The following ADGRB3 variants were observed in gnomAD, a reference collection of about 807,000 sequenced individuals.
The protein encoded by ADGRB3 is adhesion G protein-coupled receptor B3, also known as brain-specific angiogenesis inhibitor 3.
A neutral mutation model predicts 193.4 loss-of-function variants in ADGRB3; 37 were observed. The observed-to-expected ratio is 0.19, with a 90% confidence interval of 0.15 to 0.25. The LOEUF (loss-of-function observed/expected upper bound fraction) is 0.25, where lower values mean the gene tolerates loss of function less well. Ranked by LOEUF, ADGRB3 falls within the 10% of genes least tolerant of loss-of-function variation. The pLI is 1.00. For missense variants in ADGRB3, 1,637 were observed against 1,852.9 expected (o/e 0.88, Z 2.14); for synonymous variants, 690 against 644.2 (o/e 1.07, Z -1.08).
rs117166007 is a variant in ADGRB3 at position 68,979,205 on chromosome 6, C to T, written c.1734+3865C>T. Among the ~76,000 whole-genome samples the T allele has an allele frequency of 7.3e-5, 11 of 151,242 alleles. 1 individual carries two copies. The highest frequency in any genetic ancestry group is 2.0e-4 in the Admixed American group (3 of 15,096). On this transcript the variant is annotated intron_variant, in intron 10 of 31. Coordinates refer to ENST00000370598, the MANE Select transcript of ADGRB3 (RefSeq NM_001704.3). ...ATTTCAAAGATTTTTGAGTAAAGCA[C>T]GACTTTGCTACTTTTCTTATAAGTA...
At chr6:68,846,565 G>A (rs1438833849) in intron 3 of ADGRB3, among the ~76,000 whole-genome samples, 2 of 152,218 alleles carry the variant, frequency 1.3e-5, no homozygotes, top group Non-Finnish European at 2.9e-5. Flanking sequence ...GGCTGAAAGG[G>A]GTCAATGTAC....
intron 20 of ADGRB3, among the ~76,000 whole-genome samples, chr6:69,318,671 G>GGAAAATGATACTGAAATGATACT (rs1338606098): frequency 6.6e-6 from 1 of 151,062 alleles, no homozygotes; most frequent in East Asian, 1.9e-4. Flanking sequence ...GTTGGTGTAT[G>GGAAAATGATACTGAAATGATACT]GAAAATGATA....
intron 20 of ADGRB3, among the ~76,000 whole-genome samples, chr6:69,296,714 T>C (rs1309235774): frequency 1.3e-5 from 2 of 152,158 alleles, no homozygotes; most frequent in African/African-American, 4.8e-5. Context: ...TCCTTTGAAT[T>C]ATGTCATGTT....
intron 17 of ADGRB3, among the ~76,000 whole-genome samples, chr6:69,206,350 G>A (rs911043125): frequency 1.3e-5 from 2 of 151,338 alleles, no homozygotes; most frequent in South Asian, 2.1e-4. Context: ...CCCTTTCCCC[G>A]CCCACTGACT....
intron 3 of ADGRB3, among the ~76,000 whole-genome samples, chr6:68,845,916 T>C (rs1413301532): frequency 6.6e-6 from 1 of 152,108 alleles, no homozygotes; most frequent in Non-Finnish European, 1.5e-5. Flanking sequence ...GTTGGAATGA[T>C]TTCGAGGGCT....
At chr6:69,272,909 G>T (rs536705176) in intron 20 of ADGRB3, among the ~76,000 whole-genome samples, 1 of 152,018 alleles carries the variant, frequency 6.6e-6, no homozygotes, top group Non-Finnish European at 1.5e-5. Flanking sequence ...TTTTTGTTTT[G>T]TTTTGTTTGA....
chr6:68,636,804 T>A (rs1270974692), intron 1 of ADGRB3, among the ~76,000 whole-genome samples: 2 of 152,164 alleles, frequency 1.3e-5, no homozygotes, highest in Non-Finnish European at 2.9e-5. Context: ...GGAAAAGACA[T>A]ACGACCTCTT....
chr6:69,276,162 G>A (rs928811129), intron 20 of ADGRB3, among the ~76,000 whole-genome samples: 2 of 152,164 alleles, frequency 1.3e-5, no homozygotes, highest in Non-Finnish European at 2.9e-5. Flanking sequence ...GATTCTCCTG[G>A]AATTCTACAA....
At chr6:69,024,360 A>G (rs1391016714) in intron 13 of ADGRB3, among the ~76,000 whole-genome samples, 1 of 152,210 alleles carries the variant, frequency 6.6e-6, no homozygotes, top group East Asian at 1.9e-4. Context: ...CTGTAACATG[A>G]AAATTCTCAA....
At chr6:69,222,051 T>C (rs901698435) in intron 17 of ADGRB3, among the ~76,000 whole-genome samples, 17 of 152,146 alleles carry the variant, frequency 1.1e-4, no homozygotes, top group African/African-American at 2.9e-4. Context: ...ATGAAATACA[T>C]TAATTATTTT....
chr6:68,861,386 C>T (rs1177377338), intron 3 of ADGRB3, among the ~76,000 whole-genome samples: 1 of 151,964 alleles, frequency 6.6e-6, no homozygotes, highest in African/African-American at 2.4e-5. Flanking sequence ...ACGGTGAAAC[C>T]CCGTCTCTAC....
intron 19 of ADGRB3, among the ~76,000 whole-genome samples, chr6:69,237,086 A>G (rs1383903325): frequency 6.6e-6 from 1 of 152,010 alleles, no homozygotes; most frequent in Non-Finnish European, 1.5e-5. Flanking sequence ...GCCTACAGAA[A>G]CACCAATAGA....
intron 3 of ADGRB3, among the ~76,000 whole-genome samples, chr6:68,817,230 C>A (rs569557384): frequency 4.1e-5 from 6 of 144,602 alleles, no homozygotes; most frequent in Non-Finnish European, 7.5e-5. Flanking sequence ...GACATAAATA[C>A]CAATAATCAA....
chr6:69,383,758 G>A (rs1026815588), intron 31 of ADGRB3, among the ~76,000 whole-genome samples: 1 of 152,008 alleles, frequency 6.6e-6, no homozygotes, highest in African/African-American at 2.4e-5. Context: ...AGGTTAAGAA[G>A]CACCTTATAG....
At chr6:68,966,683 G>A (rs1459053117) in intron 8 of ADGRB3, among the ~76,000 whole-genome samples, 3 of 152,172 alleles carry the variant, frequency 2.0e-5, no homozygotes, top group Non-Finnish European at 4.4e-5. Flanking sequence ...AGCTTAGAGT[G>A]GGCATCCTGT....
intron 20 of ADGRB3, among the ~76,000 whole-genome samples, chr6:69,245,228 A>G (rs763202264): frequency 5.3e-5 from 8 of 152,054 alleles, no homozygotes; most frequent in Non-Finnish European, 8.8e-5. Flanking sequence ...TGCTTACAGT[A>G]TTATCAATCC....
chr6:68,665,560 G>A (rs1227219594), intron 3 of ADGRB3, among the ~76,000 whole-genome samples: 1 of 151,706 alleles, frequency 6.6e-6, no homozygotes, highest in Non-Finnish European at 1.5e-5. Context: ...GGGGTTTAAT[G>A]GAGCTGACCA....
chr6:69,253,087 T>C (rs1365096819), intron 20 of ADGRB3, among the ~76,000 whole-genome samples: 2 of 152,074 alleles, frequency 1.3e-5, no homozygotes, highest in African/African-American at 4.8e-5. Flanking sequence ...CTTTGCAAAA[T>C]CAGTTGACTG....
intron 3 of ADGRB3, among the ~76,000 whole-genome samples, chr6:68,735,029 A>G (rs1324045863): frequency 2.0e-5 from 3 of 152,034 alleles, no homozygotes; most frequent in Non-Finnish European, 4.4e-5. Flanking sequence ...CAAAGATTGA[A>G]GAAAATTTCT....
Sources: gnomAD v4.1 joint callset for allele counts (sites outside exome capture counted in the v4.1 genomes callset) on GRCh38, gnomAD v4.1.1 for gene constraint, MANE v1.5 for transcripts, NCBI Gene and HGNC (gene_info 2026-07-23, HGNC 2026-07-21) for gene names.